The following NPAS3 variants were observed in gnomAD, a reference collection of about 807,000 sequenced individuals.
NPAS3 encodes neuronal PAS domain-containing protein 3.
NPAS3 carries 14 observed loss-of-function variants against 73.1 expected under a neutral mutation model. The observed-to-expected ratio is 0.19, with a 90% confidence interval of 0.13 to 0.30. NPAS3 has a LOEUF of 0.30. Ranked by LOEUF, NPAS3 falls within the 10% of genes least tolerant of loss-of-function variation. The pLI, the probability that NPAS3 is intolerant of heterozygous loss-of-function variation, is 1.00. For synonymous variants in NPAS3, 620 were observed against 541.5 expected, an observed-to-expected ratio of 1.14 and a Z score of -2.01; for missense variants, 1,096 against 1,250.0, an observed-to-expected ratio of 0.88 and a Z score of 1.86.
intron 2 of NPAS3, among the ~76,000 whole-genome samples, chr14:33,086,547 G>A (rs2042031898): frequency 6.6e-6 from 1 of 152,142 alleles, no homozygotes; most frequent in Non-Finnish European, 1.5e-5. Flanking sequence ...TAACAGGACA[G>A]TAATGTAAGA....
At chr14:33,537,888 G>T (rs774343501) in intron 4 of NPAS3, among the ~76,000 whole-genome samples, 1 of 152,174 alleles carries the variant, frequency 6.6e-6, no homozygotes, top group African/African-American at 2.4e-5. Context: ...ACAGAGCACT[G>T]CTCGCCTTGA....
At chr14:33,363,618 G>C (rs1316352376) in intron 3 of NPAS3, among the ~76,000 whole-genome samples, 1 of 152,164 alleles carries the variant, frequency 6.6e-6, no homozygotes, top group Non-Finnish European at 1.5e-5. Context: ...GAGTTGTGGT[G>C]TGTGTTGATA....
chr14:33,725,955 G>T (rs1230599458), intron 6 of NPAS3, among the ~76,000 whole-genome samples: 1 of 151,976 alleles, frequency 6.6e-6, no homozygotes, highest in Non-Finnish European at 1.5e-5. Context: ...TCACACTCCT[G>T]TCTCTCTCCC....
intron 3 of NPAS3, among the ~76,000 whole-genome samples, chr14:33,313,699 G>T (rs2043095724): frequency 6.6e-6 from 1 of 152,034 alleles, no homozygotes; most frequent in Non-Finnish European, 1.5e-5. Context: ...TAAATTATCA[G>T]AACTTTAAAC....
chr14:33,614,034 A>T (rs2057837664), intron 5 of NPAS3, among the ~76,000 whole-genome samples: 1 of 152,214 alleles, frequency 6.6e-6, no homozygotes, highest in South Asian at 2.1e-4. Flanking sequence ...AGTTTTCATG[A>T]GATCCATCAC....
chr14:33,605,393 T>TAAA lies in NPAS3; in HGVS notation c.558+45198_558+45200dup, dbSNP rs57109563. Reference sequence around the variant, plus strand: ...GAGAAGAGATAAAAGGCATTCAAATTAAAAAAAAAAAAAAAAACACAAACC... The same window carrying TAAA: ...GAGAAGAGATAAAAGGCATTCAAATTAAAAAAAAAAAAAAAAAAAACACAAACC... On this transcript the variant is annotated intron_variant, in intron 5 of 11. Transcript: ENST00000356141. Among the ~76,000 whole-genome samples the TAAA allele has an allele frequency of 0.017, 2,280 of 137,322 alleles. 110 individuals carry two copies. The East Asian group carries it at 0.19, about 11-fold the overall frequency. 90.1% of individuals were successfully genotyped at this position (137,322 alleles called of 152,430 possible).
At chr14:33,310,790 TACACACACACACAC>T (rs57506320) in intron 3 of NPAS3, among the ~76,000 whole-genome samples, 167 of 142,254 alleles carry the variant, frequency 1.2e-3, no homozygotes, top group African/African-American at 2.7e-3. Context: ...AAATGTATGG[TACACACACACACAC>T]ACACACACAC....
At chr14:33,498,511 C>T (rs532952958) in intron 4 of NPAS3, among the ~76,000 whole-genome samples, 1 of 152,172 alleles carries the variant, frequency 6.6e-6, no homozygotes, top group East Asian at 1.9e-4. Flanking sequence ...ACTATGCAGC[C>T]ATAAAAAGGA....
At chr14:33,635,428 A>G (rs1323085773) in intron 5 of NPAS3, among the ~76,000 whole-genome samples, 1 of 152,228 alleles carries the variant, frequency 6.6e-6, no homozygotes, top group African/African-American at 2.4e-5. Context: ...AAGAAAAGCA[A>G]GGGGAATTTT....
chr14:33,598,932 A>G (rs957445485), intron 5 of NPAS3, among the ~76,000 whole-genome samples: 1 of 152,240 alleles, frequency 6.6e-6, no homozygotes, highest in Non-Finnish European at 1.5e-5. Context: ...CTTTAAAATA[A>G]AGGCTATTTT....
chr14:33,661,747 A>C (rs575010201), intron 5 of NPAS3, among the ~76,000 whole-genome samples: 10 of 152,370 alleles, frequency 6.6e-5, no homozygotes, highest in African/African-American at 2.4e-4. Context: ...CTATATTATT[A>C]CATATTCATT....
chr14:33,281,258 C>G (rs1160609847), intron 3 of NPAS3, among the ~76,000 whole-genome samples: 1 of 152,184 alleles, frequency 6.6e-6, no homozygotes, highest in Non-Finnish European at 1.5e-5. Flanking sequence ...TCTTAGATTT[C>G]CTGATGGCCT....
chr14:32,996,962 C>A (rs1439876985), intron 1 of NPAS3, among the ~76,000 whole-genome samples: 1 of 152,166 alleles, frequency 6.6e-6, no homozygotes, highest in African/African-American at 2.4e-5. Context: ...GCCACAGACA[C>A]TCAATGCCAG....
rs550815819 is a variant in NPAS3, at chr14:33,065,925, C to T, written c.140+9931C>T. 1.3e-4 allele frequency among the ~76,000 whole-genome samples: 20 copies of T among 152,172 alleles called. 1 individual carries two copies. In the South Asian group the frequency reaches 2.3e-3, roughly 17 times the overall value. On this transcript the variant is annotated intron_variant, in intron 2 of 11. Transcript: ENST00000356141. ...TTTTTGATGATTCTTCTCTTTGCTTCCTCTCTTCAACTCCACTTGAAAAAC... is the reference window on the plus strand; with the variant it reads ...TTTTTGATGATTCTTCTCTTTGCTTTCTCTCTTCAACTCCACTTGAAAAAC...
chr14:33,624,449 AT>A (rs1278537516), intron 5 of NPAS3, among the ~76,000 whole-genome samples: 16 of 152,150 alleles, frequency 1.1e-4, no homozygotes, highest in East Asian at 3.9e-4. Context: ...GTGTTCATCT[AT>A]TTTTTATGAT....
chr14:33,534,787 A>G (rs7159470), intron 4 of NPAS3, among the ~76,000 whole-genome samples: 64,539 of 151,728 alleles, frequency 0.43, 15,413 homozygotes, highest in African/African-American at 0.67. Context: ...AGACTTTGGA[A>G]TTTCCTGGAA....
intron 5 of NPAS3, among the ~76,000 whole-genome samples, chr14:33,634,501 G>A (rs143481575): frequency 6.6e-6 from 1 of 152,270 alleles, no homozygotes; most frequent in African/African-American, 2.4e-5. Flanking sequence ...TAGGGGCTGA[G>A]GCCATAGTCC....
intron 2 of NPAS3, among the ~76,000 whole-genome samples, chr14:33,194,140 T>A (rs2046264722): frequency 6.6e-6 from 1 of 152,222 alleles, no homozygotes; most frequent in Non-Finnish European, 1.5e-5. Flanking sequence ...TTTTTAAAAA[T>A]TGCCCAAATC....
chr14:33,084,191 A>G (rs2041949473), intron 2 of NPAS3, among the ~76,000 whole-genome samples: 1 of 152,220 alleles, frequency 6.6e-6, no homozygotes, highest in African/African-American at 2.4e-5. Context: ...ACTAGTTTTA[A>G]TGCTGTTGGC....
Sources: allele counts gnomAD v4.1 joint callset (sites outside exome capture counted in the v4.1 genomes callset), GRCh38; gene constraint gnomAD v4.1.1; transcripts MANE v1.5; gene names NCBI Gene and HGNC (gene_info 2026-07-23, HGNC 2026-07-21).